BNC2: variants seen among roughly 807,000 people sequenced by gnomAD.
BNC2 encodes zinc finger protein basonuclin-2.
A neutral mutation model predicts 76.3 loss-of-function variants in BNC2; 20 were observed. The observed-to-expected ratio is 0.26, with a 90% CI of 0.18 to 0.38. The LOEUF (loss-of-function observed/expected upper bound fraction) is 0.38. BNC2 is among the 10% of genes least tolerant of loss of function. BNC2 has a pLI of 1.00. For synonymous variants in BNC2, 582 were observed against 514.8 expected (o/e 1.13, Z -1.77); for missense variants, 1,382 against 1,399.8 (o/e 0.99, Z 0.20).
intron 3 of BNC2, among the ~76,000 whole-genome samples, chr9:16,632,289 C>T (rs1255533738): frequency 6.6e-6 from 1 of 152,130 alleles, no homozygotes; most frequent in African/African-American, 2.4e-5. Flanking sequence ...GACAGTCTTG[C>T]TCCTCCTCTG....
chr9:16,668,680 T>G (rs999506423), intron 3 of BNC2, among the ~76,000 whole-genome samples: 19 of 152,230 alleles, frequency 1.2e-4, no homozygotes, highest in Non-Finnish European at 7.3e-5. Flanking sequence ...TATCCACAGA[T>G]GTATAATTTG....
At chr9:16,485,125 C>CAG (rs142121707) in intron 5 of BNC2, among the ~76,000 whole-genome samples, 22 of 151,812 alleles carry the variant, frequency 1.4e-4, no homozygotes, top group African/African-American at 4.8e-4. Context: ...CACACACACA[C>CAG]ACACACTATT....
chr9:16,673,141 T>C (rs1822530104), intron 3 of BNC2, among the ~76,000 whole-genome samples: 1 of 152,134 alleles, frequency 6.6e-6, no homozygotes, highest in African/African-American at 2.4e-5. Context: ...CTTGCATGTA[T>C]TAGACATAGA....
intron 5 of BNC2, among the ~76,000 whole-genome samples, chr9:16,439,168 T>C (rs566904361): frequency 1.2e-4 from 19 of 152,330 alleles, no homozygotes; most frequent in African/African-American, 3.8e-4. Context: ...CATGTGGAAT[T>C]ATGAGTCCAT....
At chr9:16,485,569 G>A (rs1241161533) in intron 5 of BNC2, among the ~76,000 whole-genome samples, 1 of 152,138 alleles carries the variant, frequency 6.6e-6, no homozygotes, top group African/African-American at 2.4e-5. Flanking sequence ...ACCCCACTGG[G>A]CTCATTTCAT....
chr9:16,606,931 T>G (rs1041724166), intron 3 of BNC2, among the ~76,000 whole-genome samples: 1 of 152,008 alleles, frequency 6.6e-6, no homozygotes, highest in Non-Finnish European at 1.5e-5. Context: ...CCACATAATG[T>G]GTGACTTGCT....
At chr9:16,443,042 A>G (rs77645233) in intron 5 of BNC2, among the ~76,000 whole-genome samples, 6,372 of 144,258 alleles carry the variant, frequency 0.044, 172 homozygotes, top group Middle Eastern at 0.071. Flanking sequence ...CAGGAAGTGA[A>G]GGTTGCAGAG....
Position 16,656,797 on chromosome 9 carries a change from T to C in BNC2, c.330+71000A>G, listed in dbSNP as rs976675151. On this transcript the variant is annotated intron_variant, in intron 3 of 6. Coordinates refer to ENST00000380672, the MANE Select transcript of BNC2 (RefSeq NM_017637.6). ...AGATCTCTGGGACTTATTCATCTTA[T>C]ATAACTAAATTTATACCCATTCAAA... is the stretch of plus-strand genomic sequence containing the variant. 5.3e-5 allele frequency among the ~76,000 whole-genome samples: 8 copies of C among 152,212 alleles called. No homozygotes were observed. The South Asian group carries it at 6.2e-4, about 12-fold the overall frequency.
chr9:16,664,050 T>G (rs1199310214), intron 3 of BNC2, among the ~76,000 whole-genome samples: 1 of 152,190 alleles, frequency 6.6e-6, no homozygotes, highest in African/African-American at 2.4e-5. Context: ...CCTCCATTGA[T>G]CCTCGATTCC....
intron 5 of BNC2, among the ~76,000 whole-genome samples, chr9:16,456,445 G>A (rs1563791908): frequency 6.6e-6 from 1 of 150,948 alleles, no homozygotes; most frequent in Non-Finnish European, 1.5e-5. Flanking sequence ...GCAGGAGAAT[G>A]GCATGAACCC....
At chr9:16,716,818 G>T (rs1459774813) in intron 3 of BNC2, among the ~76,000 whole-genome samples, 1 of 152,154 alleles carries the variant, frequency 6.6e-6, no homozygotes, top group African/African-American at 2.4e-5. Context: ...CTTCCGAAAG[G>T]AAGCATTTTT....
chr9:16,476,765 C>A (rs975717721), intron 5 of BNC2, among the ~76,000 whole-genome samples: 1 of 152,144 alleles, frequency 6.6e-6, no homozygotes, highest in African/African-American at 2.4e-5. Context: ...ATCCAATGGT[C>A]TTCCTATACA....
intron 1 of BNC2, among the ~76,000 whole-genome samples, chr9:16,855,110 A>G (rs75120607): frequency 2.6e-5 from 4 of 151,858 alleles, no homozygotes; most frequent in Non-Finnish European, 5.9e-5. Context: ...CATATGGTAT[A>G]CAGATACATA....
intron 5 of BNC2, among the ~76,000 whole-genome samples, chr9:16,498,718 A>AT (rs1822453345): frequency 6.6e-6 from 1 of 151,856 alleles, no homozygotes; most frequent in South Asian, 2.1e-4. Flanking sequence ...CCAAAAAATT[A>AT]TATGTTTTCT....
At chr9:16,513,375 C>T (rs10756755) in intron 5 of BNC2, among the ~76,000 whole-genome samples, 18,045 of 141,876 alleles carry the variant, frequency 0.13, 1,381 homozygotes, top group Non-Finnish European at 0.17. Context: ...GGCACGATCT[C>T]GGCTCACTGC....
chr9:16,730,768 T>C (rs553499284), intron 2 of BNC2, among the ~76,000 whole-genome samples: 2 of 152,026 alleles, frequency 1.3e-5, no homozygotes, highest in South Asian at 2.1e-4. Flanking sequence ...GCAGGATATC[T>C]TTCTAAGTTT....
intron 3 of BNC2, among the ~76,000 whole-genome samples, chr9:16,678,359 G>A (rs553906672): frequency 1.5e-4 from 19 of 128,544 alleles, no homozygotes; most frequent in African/African-American, 3.0e-4. Context: ...GCTCACTGCA[G>A]CCTCTGCCTC....
intron 1 of BNC2, among the ~76,000 whole-genome samples, chr9:16,765,882 G>T (rs897929947): frequency 6.6e-6 from 1 of 151,906 alleles, no homozygotes; most frequent in Non-Finnish European, 1.5e-5. Flanking sequence ...TGCCTCCCGG[G>T]TTCACGCCAT....
At chr9:16,742,734 G>A (rs1345858313) in intron 1 of BNC2, among the ~76,000 whole-genome samples, 1 of 152,078 alleles carries the variant, frequency 6.6e-6, no homozygotes, top group Non-Finnish European at 1.5e-5. Flanking sequence ...TTTATAAACA[G>A]GTCTCCCTAC....
Sources: gnomAD v4.1 joint callset for allele counts (sites outside exome capture counted in the v4.1 genomes callset) on GRCh38, gnomAD v4.1.1 for gene constraint, MANE v1.5 for transcripts, NCBI Gene and HGNC (gene_info 2026-07-23, HGNC 2026-07-21) for gene names.